The following LRRC7 variants were observed in gnomAD, a reference collection of about 807,000 sequenced individuals.
LRRC7 encodes the protein leucine-rich repeat-containing protein 7.
LRRC7 carries 23 observed loss-of-function variants against 175.7 expected under a neutral mutation model. That is an observed-to-expected ratio of 0.13 (90% CI 0.09 to 0.19). The LOEUF (loss-of-function observed/expected upper bound fraction) is 0.19. LRRC7 is among the 10% of genes least tolerant of loss of function. The pLI, the probability that LRRC7 is intolerant of heterozygous loss-of-function variation, is 1.00. For missense variants in LRRC7, 1,354 were observed against 1,904.7 expected (o/e 0.71, Z 5.38); for synonymous variants, 685 against 680.9 (o/e 1.01, Z -0.09).
intron 1 of LRRC7, among the ~76,000 whole-genome samples, chr1:69,593,472 T>C (rs1333215152): frequency 6.6e-6 from 1 of 152,172 alleles, no homozygotes; most frequent in Non-Finnish European, 1.5e-5. Flanking sequence ...TTCAAAAATA[T>C]ACTGACAGTT....
chr1:70,035,200 ATAGCTGCT>A (rs1245565636), intron 18 of LRRC7, among the ~76,000 whole-genome samples: 5 of 152,230 alleles, frequency 3.3e-5, no homozygotes, highest in Admixed American at 6.5e-5. Flanking sequence ...AGACATAACG[ATAGCTGCT>A]ATGCATAAAT....
At chr1:69,825,048 T>C (rs1308352590) in intron 4 of LRRC7, among the ~76,000 whole-genome samples, 2 of 152,142 alleles carry the variant, frequency 1.3e-5, no homozygotes, top group Non-Finnish European at 2.9e-5. Context: ...GAAAAATCTG[T>C]GTTTTTCTGT....
intron 2 of LRRC7, among the ~76,000 whole-genome samples, chr1:69,744,429 G>A (rs940886346): frequency 2.0e-5 from 3 of 151,952 alleles, no homozygotes; most frequent in South Asian, 2.1e-4. Context: ...GAAAATAGTT[G>A]TCACTAGTTA....
intron 7 of LRRC7, among the ~76,000 whole-genome samples, chr1:69,905,376 T>C (rs939734316): frequency 6.6e-6 from 1 of 152,136 alleles, no homozygotes; most frequent in Non-Finnish European, 1.5e-5. Flanking sequence ...CATTTAGCAT[T>C]AGGTATATCT....
chr1:70,054,757 G>A (rs56032859), intron 23 of LRRC7, among the ~76,000 whole-genome samples: 19,410 of 151,446 alleles, frequency 0.13, 1,697 homozygotes, highest in African/African-American at 0.24. Context: ...CTGCCACCAT[G>A]CCTGGCCAAT....
Position 70,010,355 on chromosome 1 carries a change from C to G in LRRC7, c.1005-1442C>G, listed in dbSNP as rs570313095. Among the ~76,000 whole-genome samples, 7 of 152,252 alleles carry G rather than the reference C, an allele frequency of 4.6e-5. No individual in the cohort carries two copies. In the East Asian group the frequency reaches 1.4e-3, roughly 29 times the overall value. ...CTGAGGAAGGTAGATTACTTGAGGT[C>G]AGGAGTTTGAGACCAGCCTGGCCAA... is the stretch of plus-strand genomic sequence containing the variant. On this transcript the variant is annotated intron_variant, in intron 11 of 26. Coordinates refer to ENST00000651989, the MANE Select transcript of LRRC7 (RefSeq NM_001370785.2).
At position 70,141,743 on chromosome 1, in the gene LRRC7, T is replaced by A. The variant is rs1237948469; in HGVS notation, c.*19856T>A. The A allele has an allele frequency of 6.6e-6, 1 of 152,148 alleles. No individual in the cohort carries two copies. Among genetic ancestry groups the A allele is most frequent in the African/African-American group, 2.4e-5 (1 of 41,456 alleles). 9.4% of individuals were successfully genotyped at this position (152,148 alleles called of 1,614,324 possible). A position where few individuals can be genotyped will look rare whatever the true frequency, so the allele number is the denominator to read the frequency against. The stretch of plus-strand genomic sequence containing the variant: ...TTGTACAAAGATATTTTTGGCTCTT[T>A]AAAGGTTATTTTCCTATATTAAGAA... On this transcript the variant is annotated 3_prime_UTR_variant, in exon 27 of 27. Coordinates refer to ENST00000651989, the MANE Select transcript of LRRC7 (RefSeq NM_001370785.2).
At chr1:69,815,431 CT>C (rs140489998) in intron 4 of LRRC7, among the ~76,000 whole-genome samples, 2 of 151,794 alleles carry the variant, frequency 1.3e-5, no homozygotes, top group Non-Finnish European at 2.9e-5. Flanking sequence ...TTGGCTGTGT[CT>C]TTTTTTTGGA....
intron 8 of LRRC7, among the ~76,000 whole-genome samples, chr1:69,975,151 A>G (rs1652680152): frequency 6.6e-6 from 1 of 152,206 alleles, no homozygotes; most frequent in South Asian, 2.1e-4. Context: ...ACCCAGAATT[A>G]GAGAAATTTC....
Position 70,127,931 on chromosome 1 carries a change from G to GA in LRRC7, c.*6051dup, listed in dbSNP as rs1327118243. Among the ~76,000 whole-genome samples the GA allele has an allele frequency of 9.3e-5, 14 of 151,146 alleles. No individual in the cohort carries two copies. Among genetic ancestry groups the GA allele is most frequent in the Non-Finnish European group, 1.6e-4 (11 of 67,718 alleles). On this transcript the variant is annotated 3_prime_UTR_variant, in exon 27 of 27. Coordinates refer to ENST00000651989, the MANE Select transcript of LRRC7 (RefSeq NM_001370785.2). ...GCATAATTTTCTCTTCTCCTTTTTTGAAAAAAAGACTTTTATGTGACTTTT... is the reference window on the plus strand; with the variant it reads ...GCATAATTTTCTCTTCTCCTTTTTTGAAAAAAAAGACTTTTATGTGACTTTT...
chr1:70,103,946 A>ACATAGCTAGT (rs1664973401), intron 25 of LRRC7, among the ~76,000 whole-genome samples: 1 of 152,244 alleles, frequency 6.6e-6, no homozygotes, highest in Admixed American at 6.5e-5. Context: ...TTAGTACATT[A>ACATAGCTAGT]CATAGCTAGT....
chr1:70,096,723 A>G (rs1664429442), intron 25 of LRRC7, among the ~76,000 whole-genome samples: 1 of 151,938 alleles, frequency 6.6e-6, no homozygotes, highest in South Asian at 2.1e-4. Flanking sequence ...AAAAAAAAAG[A>G]CCCATGATAT....
Position 70,131,098 on chromosome 1 carries a change from C to T in LRRC7, c.*9211C>T, listed in dbSNP as rs932021724. On this transcript the variant is annotated 3_prime_UTR_variant, in exon 27 of 27. Transcript: ENST00000651989. ...AAAGCTATATAATTGATATGATTAA[C>T]TATTTAGATAGAGCACAGAAAAAAA... Among the ~76,000 whole-genome samples the T allele has an allele frequency of 2.0e-5, 3 of 152,136 alleles. No individual in the cohort carries two copies. The highest frequency in any genetic ancestry group is 4.4e-5 in the Non-Finnish European group (3 of 68,020).
intron 2 of LRRC7, among the ~76,000 whole-genome samples, chr1:69,752,980 G>A (rs1196930964): frequency 6.6e-6 from 1 of 152,036 alleles, no homozygotes; most frequent in African/African-American, 2.4e-5. Flanking sequence ...ACAGGAAACC[G>A]GATTGTTACT....
rs986574384 is a variant in LRRC7, at chr1:70,142,628, C to G, written c.*20741C>G. Reference sequence around the variant, plus strand: ...AAATTCTGTTTGTAAATTTTAAAGACCACCACAAAAGACCTTGAAAAAAGT... The same window carrying G: ...AAATTCTGTTTGTAAATTTTAAAGAGCACCACAAAAGACCTTGAAAAAAGT... On this transcript the variant is annotated 3_prime_UTR_variant, in exon 27 of 27. Transcript: ENST00000651989. The G allele has an allele frequency of 6.6e-6, 1 of 151,972 alleles. No individual in the cohort carries two copies. Among genetic ancestry groups the G allele is most frequent in the African/African-American group, 2.4e-5 (1 of 41,400 alleles). 9.4% of individuals were successfully genotyped at this position (151,972 alleles called of 1,614,324 possible). A position where few individuals can be genotyped will look rare whatever the true frequency, so the allele number is the denominator to read the frequency against.
At chr1:69,672,717 G>A (rs1054954868) in intron 1 of LRRC7, among the ~76,000 whole-genome samples, 10 of 152,036 alleles carry the variant, frequency 6.6e-5, no homozygotes, top group Middle Eastern at 3.2e-3. Context: ...AGATTTTCAT[G>A]CAGACTTCAC....
chr1:69,817,745 T>C (rs1678767760), intron 4 of LRRC7, among the ~76,000 whole-genome samples: 2 of 152,156 alleles, frequency 1.3e-5, no homozygotes, highest in South Asian at 4.1e-4. Flanking sequence ...ACAACATTAA[T>C]TGTTTCACTC....
At chr1:69,997,886 GC>G (rs1655152479) in intron 11 of LRRC7, among the ~76,000 whole-genome samples, 1 of 152,122 alleles carries the variant, frequency 6.6e-6, no homozygotes, top group Non-Finnish European at 1.5e-5. Context: ...TCTCTGCCCG[GC>G]TTTGGTATCA....
In LRRC7 at chr1:70,102,443, A is replaced by G. The variant is rs568873448; in HGVS notation, c.4546-5309A>G. On this transcript the variant is annotated intron_variant, in intron 25 of 26. Coordinates refer to ENST00000651989, the MANE Select transcript of LRRC7 (RefSeq NM_001370785.2). ...GAGGAAAAGAATTTTTTCTGCCAAT[A>G]AATGTGGTATAGTTGGAGACTCAGA... Among the ~76,000 whole-genome samples, 5 of 152,324 alleles carry G rather than the reference A, an allele frequency of 3.3e-5. No individual in the cohort carries two copies. In the East Asian group the frequency reaches 9.6e-4, roughly 29 times the overall value.
Sources: allele counts gnomAD v4.1 joint callset (sites outside exome capture counted in the v4.1 genomes callset), GRCh38; gene constraint gnomAD v4.1.1; transcripts MANE v1.5; gene names NCBI Gene and HGNC (gene_info 2026-07-23, HGNC 2026-07-21).